Variants in TLE1 observed in about 807,000 individuals in gnomAD.
TLE1 encodes transducin-like enhancer protein 1.
TLE1 carries 21 observed loss-of-function variants against 89.8 expected under a neutral mutation model. That is an observed-to-expected ratio of 0.23 (90% confidence interval 0.17 to 0.34). The LOEUF is 0.34. TLE1 is among the 10% of genes least tolerant of loss of function. The pLI is 1.00. For missense variants in TLE1, 795 were observed against 1,031.2 expected (o/e 0.77, Z 3.14); for synonymous variants, 447 against 407.6 (o/e 1.10, Z -1.16).
At chr9:81,589,205 C>A (rs1295366833) in intron 16 of TLE1, among the ~76,000 whole-genome samples, 2 of 152,184 alleles carry the variant, frequency 1.3e-5, no homozygotes, top group Non-Finnish European at 2.9e-5. Flanking sequence ...CAGTGACCCT[C>A]TGACTTCTTT....
At chr9:81,653,806 T>G (rs1450656307) in intron 5 of TLE1, among the ~76,000 whole-genome samples, 168 bp downstream of exon 5, 2 of 152,234 alleles carry the variant, frequency 1.3e-5, no homozygotes, top group African/African-American at 2.4e-5. Flanking sequence ...ATTTCTACAG[T>G]GTGCCCTCAG....
rs1442998167 is a variant in TLE1 at position 81,688,382 on chromosome 9, G to A, written c.-142C>T. On this transcript the variant is annotated 5_prime_UTR_variant, in exon 1 of 20. Transcript: ENST00000376499. ...CTGGCCACGCACGCGCGCTCCGCCG[G>A]GCGCACCGGCCACTCGGCGCCCGCA... 5.2e-6 allele frequency: 5 copies of A among 957,420 alleles called. No individual in the cohort carries two copies. The highest frequency in any genetic ancestry group is 3.5e-5 in the African/African-American group (2 of 56,922). The allele number at this position is 957,420 out of a possible 1,614,324, so 59.3% of individuals were successfully genotyped here. A position where few individuals can be genotyped will look rare whatever the true frequency, so the allele number is the denominator to read the frequency against.
chr9:81,626,251 T>C (rs1291770143), intron 8 of TLE1, among the ~76,000 whole-genome samples: 2 of 152,070 alleles, frequency 1.3e-5, no homozygotes, highest in Non-Finnish European at 2.9e-5. Context: ...TCATTTATCC[T>C]CAGTTACACT....
At chr9:81,642,556 T>C (rs7855913) in intron 6 of TLE1, among the ~76,000 whole-genome samples, 32,455 of 149,504 alleles carry the variant, frequency 0.22, 4,035 homozygotes, top group East Asian at 0.48. Flanking sequence ...TAGCCAGGCA[T>C]GGTGGTGGGT....
chr9:81,615,768 G>A (rs192966967), intron 11 of TLE1, among the ~76,000 whole-genome samples: 30 of 151,686 alleles, frequency 2.0e-4, no homozygotes, highest in African/African-American at 7.3e-4. Context: ...ACAGATGCGT[G>A]TACACCCTCT....
chr9:81,605,192 A>G (rs1392543756), intron 14 of TLE1, among the ~76,000 whole-genome samples: 1 of 152,122 alleles, frequency 6.6e-6, no homozygotes, highest in African/African-American at 2.4e-5. Flanking sequence ...TGTTCACTCT[A>G]TCCTGGACAC....
chr9:81,645,778 A>G lies in TLE1; in HGVS notation c.372+6436T>C, dbSNP rs186183838. Among the ~76,000 whole-genome samples the G allele has an allele frequency of 2.0e-4, 30 of 152,168 alleles. No individual in the cohort carries two copies. In the East Asian group the frequency reaches 5.2e-3, roughly 26 times the overall value. On this transcript the variant is annotated intron_variant, in intron 6 of 19. Coordinates refer to ENST00000376499, the MANE Select transcript of TLE1 (RefSeq NM_005077.5). ...ATAAAATAAAATAAAATAAAAATAA[A>G]TGCTTGAGGGGATAGATACCCCATT...
chr9:81,624,536 T>C (rs1350311887), intron 8 of TLE1, among the ~76,000 whole-genome samples: 1 of 152,188 alleles, frequency 6.6e-6, no homozygotes, highest in Non-Finnish European at 1.5e-5. Flanking sequence ...AAATATTTAT[T>C]TGCCAAATAA....
intron 6 of TLE1, among the ~76,000 whole-genome samples, chr9:81,644,363 T>C (rs1200315681): frequency 1.3e-5 from 2 of 152,304 alleles, no homozygotes; most frequent in African/African-American, 2.4e-5. Context: ...CTGCAGTATA[T>C]TGATGAAATG....
chr9:81,687,484 A>T (rs1427043427), intron 1 of TLE1, 50 bp from the exon 2 acceptor site: 1 of 1,422,326 alleles, frequency 7.0e-7, no homozygotes, highest in Admixed American at 1.9e-5. Context: ...CGGGCGGATG[A>T]ATAAAGCAGT....
At chr9:81,584,343 A>G in intron 19 of TLE1, 38 bp from the exon 20 acceptor site, 1 of 1,610,738 alleles carries the variant, frequency 6.2e-7, no homozygotes, top group Non-Finnish European at 8.5e-7. Context: ...TTAATGTGGA[A>G]CAACGGTACT....
chr9:81,650,130 A>T (rs1829363160), intron 6 of TLE1, among the ~76,000 whole-genome samples: 1 of 152,154 alleles, frequency 6.6e-6, no homozygotes, highest in South Asian at 2.1e-4. Flanking sequence ...TAACCTCCAC[A>T]ACATTTTTCC....
intron 4 of TLE1, among the ~76,000 whole-genome samples, chr9:81,657,768 C>T (rs1267379625): frequency 6.6e-6 from 1 of 151,954 alleles, no homozygotes; most frequent in Non-Finnish European, 1.5e-5. Context: ...AACCTATGCA[C>T]ATCTACCCAT....
At chr9:81,616,283 G>A (rs1424898981) in intron 10 of TLE1, 149 bp from the exon 11 acceptor site, 23 of 948,520 alleles carry the variant, frequency 2.4e-5, no homozygotes, top group Non-Finnish European at 3.6e-5. Context: ...TTATAAATGA[G>A]CAATATGGTG....
intron 8 of TLE1, among the ~76,000 whole-genome samples, chr9:81,622,605 A>C (rs1182434137): frequency 6.6e-6 from 1 of 152,234 alleles, no homozygotes; most frequent in Non-Finnish European, 1.5e-5. Context: ...CTATGTGTTC[A>C]AAGTTACTAC....
intron 16 of TLE1, among the ~76,000 whole-genome samples, chr9:81,588,567 A>AC (rs1385027219): frequency 6.6e-6 from 1 of 151,976 alleles, no homozygotes; most frequent in Non-Finnish European, 1.5e-5. Flanking sequence ...TCTTTAAAGA[A>AC]CCTTGTGCTT....
chr9:81,610,919 C>T (rs867818754), intron 13 of TLE1, among the ~76,000 whole-genome samples: 66 of 152,292 alleles, frequency 4.3e-4, no homozygotes, highest in African/African-American at 1.5e-3. Flanking sequence ...TCTCAGCTGA[C>T]CACCTTACTT....
intron 11 of TLE1, among the ~76,000 whole-genome samples, chr9:81,614,066 C>T (rs531178940): frequency 9.1e-4 from 138 of 152,160 alleles, no homozygotes; most frequent in African/African-American, 3.2e-3. Context: ...CGCCACCATG[C>T]CCAGCTAATT....
At position 81,615,986 on chromosome 9, in the gene TLE1, C is replaced by A; in HGVS notation, c.914G>T (p.Ser305Ile). 1 of 1,613,722 alleles carries A rather than the reference C, an allele frequency of 6.2e-7. No individual in the cohort carries two copies. Among genetic ancestry groups the A allele is most frequent in the Non-Finnish European group, 8.5e-7 (1 of 1,180,036 alleles). ...SSTSLKSKEM[S>I]LHEKASTPVL... ...GTGTCAGTTTTCTTTACCTACCAAG[C>A]TCATTTCTTTGGATTTCAAAGAAGT... The change falls in exon 11 of 20, where the codon AGC becomes ATC. Residue 305 changes from serine to isoleucine, a missense_variant. Ser to Ile is a moderately radical substitution (Grantham distance 142). This residue lies in a region of TLE1 where 468 missense variants were observed against 509.1 expected (regional missense o/e 0.92). Transcript: ENST00000376499.
Sources: gnomAD v4.1 joint callset for allele counts (sites outside exome capture counted in the v4.1 genomes callset) on GRCh38, gnomAD v4.1.1 for gene constraint, gnomAD v4.1.1 regional missense constraint, MANE v1.5 for transcripts, NCBI Gene and HGNC (gene_info 2026-07-23, HGNC 2026-07-21) for gene names.